The following AHCYL2 variants were observed in gnomAD, a reference collection of about 807,000 sequenced individuals.
AHCYL2 encodes adenosylhomocysteinase like 2, also known as S-adenosylhomocysteine hydrolase-like protein 2.
In AHCYL2, 28 loss-of-function variants were observed where a neutral mutation model predicts 81.4. The observed-to-expected ratio is 0.34, with a 90% CI of 0.25 to 0.47. AHCYL2 has a LOEUF of 0.47. Among genes scored for constraint, AHCYL2 ranks in the 20% least tolerant of loss-of-function variants. The pLI is 1.00. For synonymous variants in AHCYL2, 272 were observed against 290.2 expected (o/e 0.94, Z 0.64); for missense variants, 551 against 785.1 (o/e 0.70, Z 3.56).
chr7:129,409,142 C>T (rs560790889), intron 10 of AHCYL2, among the ~76,000 whole-genome samples: 147 of 151,318 alleles, frequency 9.7e-4, no homozygotes, highest in Non-Finnish European at 2.9e-4. Flanking sequence ...GTTTGGCCTT[C>T]GGGGGATCAC....
intron 1 of AHCYL2, among the ~76,000 whole-genome samples, chr7:129,353,308 G>T (rs1452458757): frequency 6.6e-6 from 1 of 151,970 alleles, no homozygotes; most frequent in Non-Finnish European, 1.5e-5. Context: ...CTAAATTCCA[G>T]CCACACAAGT....
intron 1 of AHCYL2, among the ~76,000 whole-genome samples, chr7:129,339,762 T>A (rs537305441): frequency 5.9e-5 from 9 of 152,084 alleles, no homozygotes; most frequent in Admixed American, 2.6e-4. Flanking sequence ...AAATCCTGGC[T>A]TCAAGTGATT....
chr7:129,426,413 T>G lies in AHCYL2; in HGVS notation c.1709-30T>G. ...GCCATCAGATAAAAGGCATGAATGC[T>G]TATACCAGGGCTTCTGTGGTCTGTT... On this transcript the variant is annotated intron_variant, in intron 15 of 16. Coordinates refer to ENST00000325006, the MANE Select transcript of AHCYL2 (RefSeq NM_015328.4). The surrounding 1 kb of genome is among the most constrained non-coding windows in gnomAD (Gnocchi z 4.3). The G allele has an allele frequency of 6.2e-7, 1 of 1,614,056 alleles. No individual in the cohort carries two copies. The highest frequency in any genetic ancestry group is 8.5e-7 in the Non-Finnish European group (1 of 1,179,930).
rs144551968 is a variant in AHCYL2, at chr7:129,425,580, T to C, written c.1708+439T>C. ...CACCTTCCAACACCAATCCCAGTGC[T>C]TCAGGCCAAAGGAGAGATGTGGAAT... is the stretch of plus-strand genomic sequence containing the variant. On this transcript the variant is annotated intron_variant, in intron 15 of 16. Transcript: ENST00000325006. 2.4e-3 allele frequency among the ~76,000 whole-genome samples: 361 copies of C among 152,340 alleles called. 2 individuals are homozygous for C. Among genetic ancestry groups the C allele is most frequent in the Admixed American group, 3.7e-3 (57 of 15,298 alleles).
chr7:129,397,434 A>G (rs1437246458), intron 5 of AHCYL2, 110 bp downstream of exon 5: 2 of 1,062,710 alleles, frequency 1.9e-6, no homozygotes, highest in African/African-American at 3.2e-5. Context: ...ACTATCTTGG[A>G]AGAAATGGAT....
intron 1 of AHCYL2, among the ~76,000 whole-genome samples, chr7:129,230,751 T>A (rs931163550): frequency 5.3e-5 from 8 of 151,680 alleles, no homozygotes; most frequent in African/African-American, 1.5e-4. Context: ...TTTTGTATTT[T>A]TAGTAGAGAC....
intron 1 of AHCYL2, among the ~76,000 whole-genome samples, chr7:129,283,596 C>T (rs1369718752): frequency 6.6e-6 from 1 of 152,058 alleles, no homozygotes; most frequent in Non-Finnish European, 1.5e-5. Context: ...TTAAGTTTCA[C>T]CTTCTTCTCT....
chr7:129,363,286 G>A (rs1793997335), intron 1 of AHCYL2, among the ~76,000 whole-genome samples: 1 of 152,172 alleles, frequency 6.6e-6, no homozygotes, highest in Admixed American at 6.5e-5. Context: ...TTATGGTAAA[G>A]TGGAATTATA....
intron 10 of AHCYL2, among the ~76,000 whole-genome samples, chr7:129,408,716 G>A (rs1355703041): frequency 1.3e-5 from 2 of 152,086 alleles, no homozygotes; most frequent in Non-Finnish European, 2.9e-5. Context: ...GAAGAGTATG[G>A]TTCTCTATAC....
At chr7:129,242,658 A>C (rs1156598721) in intron 1 of AHCYL2, among the ~76,000 whole-genome samples, 2 of 151,326 alleles carry the variant, frequency 1.3e-5, no homozygotes, top group African/African-American at 4.9e-5. Flanking sequence ...CGGAGGTTGC[A>C]GTGAGCTGAG....
intron 1 of AHCYL2, 66 bp from the exon 2 acceptor site, chr7:129,379,572 A>G (rs907852040): frequency 1.5e-5 from 18 of 1,220,998 alleles, no homozygotes; most frequent in Non-Finnish European, 2.0e-5. Flanking sequence ...CTGTAATACA[A>G]GCCTTGAATT....
chr7:129,315,375 C>T (rs922590580), intron 1 of AHCYL2, among the ~76,000 whole-genome samples: 17 of 152,142 alleles, frequency 1.1e-4, no homozygotes, highest in Non-Finnish European at 1.3e-4. Context: ...TGCCATTTCT[C>T]TCCTGCCTTT....
chr7:129,268,563 C>T (rs767273427), intron 1 of AHCYL2, among the ~76,000 whole-genome samples: 4 of 152,010 alleles, frequency 2.6e-5, no homozygotes, highest in African/African-American at 7.2e-5. Flanking sequence ...TAGGCCAGGC[C>T]AGTCTAAGGC....
At chr7:129,409,645 G>C (rs1796469251) in intron 11 of AHCYL2, 99 bp downstream of exon 11, 1 of 1,028,046 alleles carries the variant, frequency 9.7e-7, no homozygotes, top group Admixed American at 2.2e-5. Flanking sequence ...AACTCTAAAA[G>C]CTAGAGAGAG....
At chr7:129,263,543 A>G (rs2150718619) in intron 1 of AHCYL2, among the ~76,000 whole-genome samples, 1 of 152,340 alleles carries the variant, frequency 6.6e-6, no homozygotes, top group East Asian at 1.9e-4. Context: ...GTTCCCAGTG[A>G]CTTGAAGTAG....
rs1308467095 is a variant in AHCYL2, at chr7:129,403,259, A to T, written c.919-120A>T. 2.0e-5 allele frequency: 12 copies of T among 589,744 alleles called. No individual in the cohort carries two copies. In the South Asian group the frequency reaches 2.5e-4, roughly 12 times the overall value. 36.5% of individuals were successfully genotyped at this position (589,744 alleles called of 1,614,324 possible). On this transcript the variant is annotated intron_variant, in intron 6 of 16. Coordinates refer to ENST00000325006, the MANE Select transcript of AHCYL2 (RefSeq NM_015328.4). ...TGGCTTTAAGTTACTTTGCATAACC[A>T]TATGGGAAATTTTAAATATCTGTAA...
At chr7:129,292,795 G>A (rs1796914502) in intron 1 of AHCYL2, among the ~76,000 whole-genome samples, 1 of 151,830 alleles carries the variant, frequency 6.6e-6, no homozygotes, top group South Asian at 2.1e-4. Flanking sequence ...AGTAAGTTAT[G>A]TTAATAGGGA....
chr7:129,373,594 A>C (rs1297799740), intron 1 of AHCYL2, among the ~76,000 whole-genome samples: 2 of 151,212 alleles, frequency 1.3e-5, no homozygotes, highest in Non-Finnish European at 3.0e-5. Flanking sequence ...ACCAAGACTC[A>C]GTCTCAAAAA....
At chr7:129,246,113 C>T (rs1290014708) in intron 1 of AHCYL2, among the ~76,000 whole-genome samples, 1 of 150,750 alleles carries the variant, frequency 6.6e-6, no homozygotes, top group Non-Finnish European at 1.5e-5. Flanking sequence ...AGGATGAGTG[C>T]AATGATGCGA....
Sources: allele counts gnomAD v4.1 joint callset (sites outside exome capture counted in the v4.1 genomes callset), GRCh38; gene constraint gnomAD v4.1.1; non-coding constraint Gnocchi (gnomAD v3.1); transcripts MANE v1.5; gene names NCBI Gene and HGNC (gene_info 2026-07-23, HGNC 2026-07-21).